The following ERCC6 variants were observed in gnomAD, a reference collection of about 807,000 sequenced individuals.
ERCC6 encodes ERCC excision repair 6, chromatin remodeling factor.
ERCC6 carries 116 observed loss-of-function variants against 158.7 expected under a neutral mutation model. The ratio of observed to expected loss-of-function variants is 0.73; its 90% CI spans 0.63 to 0.85. The LOEUF is 0.85. Among genes scored for constraint, ERCC6 ranks in the 40% least tolerant of loss-of-function variants. The pLI, the probability that ERCC6 is intolerant of heterozygous loss-of-function variation, is 0.00. For missense variants in ERCC6, 1,698 were observed against 1,799.4 expected (o/e 0.94, Z 1.02); for synonymous variants, 678 against 659.3 (o/e 1.03, Z -0.43).
rs139990754 is a variant in ERCC6, at chr10:49,531,253, A to T, written c.423-413T>A. ...CTGGAAGCATCCTAAATATGCTTAA[A>T]CATTTTTTTATATAAATCACACATC... On this transcript the variant is annotated intron_variant, in intron 2 of 20. Transcript: ENST00000355832. Among the ~76,000 whole-genome samples the T allele has an allele frequency of 7.1e-3, 1,077 of 152,342 alleles. 13 individuals carry two copies. Among genetic ancestry groups the T allele is most frequent in the African/African-American group, 0.023 (975 of 41,570 alleles).
chr10:49,502,689 A>AG (rs1175317819), intron 6 of ERCC6: 1 of 152,214 alleles, frequency 6.6e-6, no homozygotes, highest in Non-Finnish European at 1.5e-5. Context: ...GTTCTCAGCC[A>AG]GGGGTAATTC....
intron 6 of ERCC6, chr10:49,505,659 T>G (rs1240519757): frequency 8.9e-6 from 5 of 563,018 alleles, no homozygotes; most frequent in South Asian, 2.3e-5. Context: ...CCATATAGAT[T>G]CATCAGTTTA....
At chr10:49,443,549 G>C in the ERCC6 span, among the ~76,000 whole-genome samples, 1,624 of 152,284 alleles carry the variant, frequency 0.011, 33 homozygotes, top group African/African-American at 0.037. Context: ...TGCACTGCCA[G>C]TTGTATAAAA....
At chr10:49,498,689 T>G (rs373003422) in intron 7 of ERCC6, among the ~76,000 whole-genome samples, 1 of 152,202 alleles carries the variant, frequency 6.6e-6, no homozygotes, top group Non-Finnish European at 1.5e-5. Flanking sequence ...TGATTACAGC[T>G]GCTGTTCATT....
At chr10:49,534,165 A>AACAAAAAAAAG (rs1321344953) in intron 1 of ERCC6, among the ~76,000 whole-genome samples, 4 of 139,158 alleles carry the variant, frequency 2.9e-5, no homozygotes, top group Non-Finnish European at 6.3e-5. Flanking sequence ...CAAAAAAAAA[A>AACAAAAAAAAG]CTCCATTTTA....
At chr10:49,503,247 G>T (rs1851384952) in intron 6 of ERCC6, 1 of 152,162 alleles carries the variant, frequency 6.6e-6, no homozygotes, top group South Asian at 2.1e-4. Context: ...GAACCTGAGA[G>T]GGGGTTAAGA....
At chr10:49,516,169 T>C (rs1836954695) in intron 5 of ERCC6, 1 of 1,614,208 alleles carries the variant, frequency 6.2e-7, no homozygotes, top group Non-Finnish European at 8.5e-7. Context: ...TTTGGGTTTT[T>C]ACCCTGATAC....
chr10:49,513,257 C>T (rs538634442), intron 5 of ERCC6, among the ~76,000 whole-genome samples: 1 of 152,248 alleles, frequency 6.6e-6, no homozygotes, highest in African/African-American at 2.4e-5. Flanking sequence ...GGTGTCTAAC[C>T]CCTATGCTAT....
At chr10:49,491,090 C>T (rs1259699388) in intron 8 of ERCC6, among the ~76,000 whole-genome samples, 1 of 152,076 alleles carries the variant, frequency 6.6e-6, no homozygotes, top group Non-Finnish European at 1.5e-5. Context: ...AAGCAAATAC[C>T]CCTTCAGTAG....
At chr10:49,498,556 G>A (rs1851304036) in intron 7 of ERCC6, among the ~76,000 whole-genome samples, 1 of 152,162 alleles carries the variant, frequency 6.6e-6, no homozygotes, top group Non-Finnish European at 1.5e-5. Context: ...TGTTTGTGGT[G>A]CAGCACCACA....
intron 15 of ERCC6, chr10:49,472,689 T>A: frequency 1.4e-6 from 1 of 740,106 alleles, no homozygotes; most frequent in East Asian, 2.7e-5. Flanking sequence ...ATGTTCTTTT[T>A]ACCCCAACTC....
the ERCC6 span, among the ~76,000 whole-genome samples, chr10:49,443,030 T>A: frequency 6.6e-6 from 1 of 152,174 alleles, no homozygotes; most frequent in African/African-American, 2.4e-5. Context: ...CTTGTGCCAA[T>A]GAGGGTGTAA....
At position 49,470,887 on chromosome 10, in the gene ERCC6, T is replaced by C. The variant is rs762205885; in HGVS notation, c.3073A>G (p.Thr1025Ala). 1.1e-5 allele frequency: 17 copies of C among 1,613,702 alleles called. No homozygotes were observed. Among genetic ancestry groups the C allele is most frequent in the Non-Finnish European group, 1.4e-5 (16 of 1,179,822 alleles). ...TTGGGTGTCTGAACATCTGATCCAG[T>C]TCCTGTAAAGAGGAAAAACACCACT... ...STETSAIFAG[T>A]GSDVQTPKCH... Residue 1025 changes from threonine (T) to alanine (A), a missense_variant and splice_region_variant, in exon 18 of 21, where the codon ACT becomes GCT. Physicochemically the swap from Thr to Ala is moderately conservative, Grantham distance 58. Coordinates refer to ENST00000355832, the MANE Select transcript of ERCC6 (RefSeq NM_000124.4).
intron 8 of ERCC6, among the ~76,000 whole-genome samples, chr10:49,490,995 G>A (rs1398151534): frequency 6.6e-6 from 1 of 152,208 alleles, no homozygotes; most frequent in Non-Finnish European, 1.5e-5. Context: ...AGACTCTATT[G>A]TAATTTAACA....
At chr10:49,512,695 T>C (rs909891169) in intron 5 of ERCC6, among the ~76,000 whole-genome samples, 6 of 152,250 alleles carry the variant, frequency 3.9e-5, no homozygotes, top group African/African-American at 1.4e-4. Flanking sequence ...TGAGATATGT[T>C]GGGATGGGAC....
intron 18 of ERCC6, among the ~76,000 whole-genome samples, chr10:49,468,690 T>C (rs1205242063): frequency 6.6e-6 from 1 of 152,216 alleles, no homozygotes; most frequent in Non-Finnish European, 1.5e-5. Context: ...CCTGATACTA[T>C]TGGCTACGAA....
At chr10:49,528,805 T>TA (rs1232954531) in intron 3 of ERCC6, among the ~76,000 whole-genome samples, 1 of 152,172 alleles carries the variant, frequency 6.6e-6, no homozygotes, top group Non-Finnish European at 1.5e-5. Flanking sequence ...CCCGAGCCCT[T>TA]AAATACATGG....
the ERCC6 span, among the ~76,000 whole-genome samples, chr10:49,440,667 T>G: frequency 6.6e-6 from 1 of 152,222 alleles, no homozygotes; most frequent in Admixed American, 6.5e-5. Flanking sequence ...AAAGGCAGAA[T>G]GGCACCATTT....
At chr10:49,517,066 C>T (rs1836996114) in intron 5 of ERCC6, 1 of 1,611,012 alleles carries the variant, frequency 6.2e-7, no homozygotes, top group Non-Finnish European at 8.5e-7. Context: ...ATGCTGTCAT[C>T]TGTCTCTAAA....
Sources: gnomAD v4.1 joint callset for allele counts (sites outside exome capture counted in the v4.1 genomes callset) on GRCh38, gnomAD v4.1.1 for gene constraint, MANE v1.5 for transcripts, NCBI Gene and HGNC (gene_info 2026-07-23, HGNC 2026-07-21) for gene names.